TMEM232: variants seen among roughly 807,000 people sequenced by gnomAD.
The protein encoded by TMEM232 is transmembrane protein 232.
Under a neutral mutation model 78.8 loss-of-function variants are expected in TMEM232, and 80 were observed. That is an observed-to-expected ratio of 1.01 (90% confidence interval 0.85 to 1.22). The LOEUF (loss-of-function observed/expected upper bound fraction) is 1.22. Ranked by LOEUF, TMEM232 falls within the 50% of genes most tolerant of loss-of-function variation. TMEM232 has a pLI of 0.00. For missense variants in TMEM232, 881 were observed against 742.2 expected, an observed-to-expected ratio of 1.19 and a Z score of -2.17; for synonymous variants, 297 against 254.3, an observed-to-expected ratio of 1.17 and a Z score of -1.60.
chr5:110,715,640 G>A (rs753000649), intron 1 of TMEM232, among the ~76,000 whole-genome samples: 3 of 152,050 alleles, frequency 2.0e-5, no homozygotes, highest in Non-Finnish European at 4.4e-5. Context: ...TTCTAAGCCC[G>A]CTTCGACCCT....
chr5:110,406,882 C>G (rs1464302680), intron 2 of TMEM232, among the ~76,000 whole-genome samples: 1 of 152,016 alleles, frequency 6.6e-6, no homozygotes, highest in East Asian at 1.9e-4. Context: ...TTGCTTATTT[C>G]TATTCTTTGG....
chr5:110,552,169 GA>G (rs1458988432), intron 11 of TMEM232, among the ~76,000 whole-genome samples: 1 of 152,018 alleles, frequency 6.6e-6, no homozygotes, highest in Non-Finnish European at 1.5e-5. Flanking sequence ...TAAAGTTCCA[GA>G]ATTTTCAAGT....
chr5:110,562,520 G>C (rs1199291423), intron 11 of TMEM232, among the ~76,000 whole-genome samples: 2 of 152,000 alleles, frequency 1.3e-5, no homozygotes, highest in African/African-American at 4.8e-5. Context: ...AAAAAAGTTA[G>C]GGATCAAACA....
At chr5:110,405,046 A>G (rs1444146542) in intron 2 of TMEM232, among the ~76,000 whole-genome samples, 1 of 152,162 alleles carries the variant, frequency 6.6e-6, no homozygotes, top group Non-Finnish European at 1.5e-5. Flanking sequence ...AAGAAATAAC[A>G]TATTTTTGTG....
At chr5:110,681,094 G>A (rs1580642258) in intron 1 of TMEM232, among the ~76,000 whole-genome samples, 1 of 152,140 alleles carries the variant, frequency 6.6e-6, no homozygotes, top group African/African-American at 2.4e-5. Flanking sequence ...CAGCAAAGAG[G>A]TTGAGGAGGA....
intron 12 of TMEM232, among the ~76,000 whole-genome samples, chr5:110,468,121 A>ATTACT (rs1224083494): frequency 1.8e-4 from 28 of 152,252 alleles, no homozygotes; most frequent in East Asian, 3.9e-4. Context: ...AGATAGATAC[A>ATTACT]TTACTTTACT....
intron 10 of TMEM232, among the ~76,000 whole-genome samples, chr5:110,595,454 A>T (rs984103216): frequency 1.3e-5 from 2 of 152,172 alleles, no homozygotes; most frequent in East Asian, 3.9e-4. Flanking sequence ...AGGCTTCAAA[A>T]GGTGGGTAGT....
intron 12 of TMEM232, among the ~76,000 whole-genome samples, chr5:110,493,896 A>C (rs1430138179): frequency 6.6e-6 from 1 of 151,828 alleles, no homozygotes; most frequent in African/African-American, 2.4e-5. Flanking sequence ...CCTGTCATCT[A>C]CATTAGGTAT....
At chr5:110,631,830 G>T (rs1203365217) in intron 5 of TMEM232, among the ~76,000 whole-genome samples, 15 of 152,034 alleles carry the variant, frequency 9.9e-5, no homozygotes, top group Admixed American at 9.8e-4. Flanking sequence ...AACTGCTACT[G>T]CCACTACCTA....
At chr5:110,600,488 C>G (rs1168711869) in intron 10 of TMEM232, among the ~76,000 whole-genome samples, 2 of 152,128 alleles carry the variant, frequency 1.3e-5, no homozygotes, top group Admixed American at 6.5e-5. Flanking sequence ...GACATCACCA[C>G]TGATCCCACA....
chr5:110,440,742 T>C (rs1004494825), intron 12 of TMEM232, among the ~76,000 whole-genome samples: 1 of 152,158 alleles, frequency 6.6e-6, no homozygotes, highest in African/African-American at 2.4e-5. Flanking sequence ...CCTCAGTGTA[T>C]TGAGGCAACC....
At chr5:110,448,111 A>G (rs1396276184) in intron 12 of TMEM232, among the ~76,000 whole-genome samples, 1 of 152,078 alleles carries the variant, frequency 6.6e-6, no homozygotes, top group East Asian at 1.9e-4. Context: ...TTCTACAAAT[A>G]TTGGGACAGA....
At chr5:110,495,158 A>G (rs1765512603) in intron 12 of TMEM232, among the ~76,000 whole-genome samples, 1 of 151,408 alleles carries the variant, frequency 6.6e-6, no homozygotes, top group South Asian at 2.1e-4. Flanking sequence ...AGCCTCAAAA[A>G]TTGAGTAATT....
chr5:110,592,010 A>G (rs1779603099), intron 10 of TMEM232, among the ~76,000 whole-genome samples: 1 of 152,100 alleles, frequency 6.6e-6, no homozygotes, highest in Non-Finnish European at 1.5e-5. Context: ...TGCATGCAGG[A>G]CACCCAGAAA....
At chr5:110,510,675 C>G (rs1767615000) in intron 12 of TMEM232, among the ~76,000 whole-genome samples, 1 of 152,028 alleles carries the variant, frequency 6.6e-6, no homozygotes, top group Admixed American at 6.6e-5. Context: ...ATTTATGTGG[C>G]CAGCAAACAT....
intron 12 of TMEM232, among the ~76,000 whole-genome samples, chr5:110,481,342 ATC>A (rs1017702244): frequency 1.3e-5 from 2 of 152,146 alleles, no homozygotes; most frequent in African/African-American, 4.8e-5. Context: ...CAAATCAAAT[ATC>A]CATTCCTAGA....
At chr5:110,542,759 C>G (rs1581153337) in intron 11 of TMEM232, among the ~76,000 whole-genome samples, 1 of 152,064 alleles carries the variant, frequency 6.6e-6, no homozygotes, top group African/African-American at 2.4e-5. Flanking sequence ...TTCTCATGCC[C>G]AAGGAACATG....
chr5:110,658,206 C>A (rs1434650455), intron 2 of TMEM232, among the ~76,000 whole-genome samples: 1 of 152,238 alleles, frequency 6.6e-6, no homozygotes, highest in East Asian at 1.9e-4. Flanking sequence ...CTGGAAATAT[C>A]CTCTGTCATC....
rs1388723228 is a variant in TMEM232 at position 110,424,982 on chromosome 5, T to C, written c.1704-66A>G. ...GTACTCCTATTCCCCAGAAATAGAA[T>C]TGTAACTAAGCCATAATTTATTATT... On this transcript the variant is annotated intron_variant, in intron 12 of 13. Coordinates refer to ENST00000455884, the MANE Select transcript of TMEM232 (RefSeq NM_001039763.4). The C allele has an allele frequency of 6.3e-6, 7 of 1,103,116 alleles. No individual in the cohort carries two copies. In the African/African-American group the frequency reaches 1.1e-4, roughly 18 times the overall value. 68.3% of individuals were successfully genotyped at this position (1,103,116 alleles called of 1,614,324 possible).
Sources: allele counts gnomAD v4.1 joint callset (sites outside exome capture counted in the v4.1 genomes callset), GRCh38; gene constraint gnomAD v4.1.1; transcripts MANE v1.5; gene names NCBI Gene and HGNC (gene_info 2026-07-23, HGNC 2026-07-21).